ARHGEF11: variants seen among roughly 807,000 people sequenced by gnomAD.
ARHGEF11 encodes Rho guanine nucleotide exchange factor 11.
Under a neutral mutation model 193.7 loss-of-function variants are expected in ARHGEF11, and 55 were observed. The ratio of observed to expected loss-of-function variants is 0.28; its 90% CI spans 0.23 to 0.36. The LOEUF (loss-of-function observed/expected upper bound fraction) is 0.36. Among genes scored for constraint, ARHGEF11 ranks in the 10% least tolerant of loss-of-function variants. The probability of loss-of-function intolerance (pLI) is 1.00; values close to 1 mark genes in which losing one functional copy is unlikely to be tolerated. For missense variants in ARHGEF11, 1,723 were observed against 2,005.6 expected (o/e 0.86, Z 2.69); for synonymous variants, 693 against 768.0 (o/e 0.90, Z 1.62).
At chr1:157,041,683 CATTT>C (rs1217932834) in intron 1 of ARHGEF11, among the ~76,000 whole-genome samples, 4 of 152,214 alleles carry the variant, frequency 2.6e-5, no homozygotes, top group Non-Finnish European at 5.9e-5. Context: ...CTCTAACATT[CATTT>C]GTCAAACATT....
chr1:157,021,516 G>A (rs1048546354), intron 1 of ARHGEF11, among the ~76,000 whole-genome samples: 29 of 152,146 alleles, frequency 1.9e-4, no homozygotes, highest in Non-Finnish European at 3.2e-4. Context: ...GCATTAACAA[G>A]ACCACCCTCT....
chr1:157,040,579 T>C (rs2103094401), intron 1 of ARHGEF11, among the ~76,000 whole-genome samples: 1 of 152,340 alleles, frequency 6.6e-6, no homozygotes, highest in Non-Finnish European at 1.5e-5. Context: ...ACCCTTCTCT[T>C]CTCACATTCT....
At chr1:156,993,125 A>T (rs955741832) in intron 1 of ARHGEF11, among the ~76,000 whole-genome samples, 3 of 152,262 alleles carry the variant, frequency 2.0e-5, no homozygotes, top group African/African-American at 7.2e-5. Context: ...AGTCTGGTGA[A>T]ACAGGTAGTA....
chr1:156,979,310 G>C, intron 4 of ARHGEF11, 24 bp from the exon 5 acceptor site: 1 of 1,593,126 alleles, frequency 6.3e-7, no homozygotes, highest in Admixed American at 1.7e-5. Flanking sequence ...AAACAGTATT[G>C]AGTAATGGTA....
intron 1 of ARHGEF11, among the ~76,000 whole-genome samples, chr1:157,034,485 ACCAAAGACCTAGCAC>A (rs1479209256): frequency 2.6e-5 from 4 of 152,256 alleles, no homozygotes; most frequent in Non-Finnish European, 4.4e-5. Flanking sequence ...AATACCAAGT[ACCAAAGACCTAGCAC>A]CCAATGAGAA....
rs1375376814 is a variant in ARHGEF11 at position 156,957,696 on chromosome 1, G to A, written c.1526+96C>T. 8 of 1,328,160 alleles carry A rather than the reference G, an allele frequency of 6.0e-6. No homozygotes were observed. The Admixed American group carries it at 1.0e-4, about 17-fold the overall frequency. 82.3% of individuals were successfully genotyped at this position (1,328,160 alleles called of 1,614,324 possible). A position where few individuals can be genotyped will look rare whatever the true frequency, so the allele number is the denominator to read the frequency against. On this transcript the variant is annotated intron_variant, in intron 18 of 40. Coordinates refer to ENST00000368194, the MANE Select transcript of ARHGEF11 (RefSeq NM_198236.3). The stretch of plus-strand genomic sequence containing the variant: ...GTCCTTCATGGTTGTACAACATGAG[G>A]GACTCCCCTGTGATTGTCAGAAATG...
rs912486792 is a variant in ARHGEF11, at chr1:156,948,895, T to C, written c.1926-397A>G. 2 of 985,436 alleles carry C rather than the reference T, an allele frequency of 2.0e-6. No homozygotes were observed. Among genetic ancestry groups the C allele is most frequent in the East Asian group, 1.1e-4 (1 of 8,812 alleles). The allele number at this position is 985,436 out of a possible 1,614,324, so 61.0% of individuals were successfully genotyped here. A position where few individuals can be genotyped will look rare whatever the true frequency, so the allele number is the denominator to read the frequency against. ...CAGGGAACACAAGGTCCCAGCTCCC[T>C]GCCCCTAGTGGCCAGTTCACGTTGC... On this transcript the variant is annotated intron_variant, in intron 22 of 40. Transcript: ENST00000368194. The surrounding 1 kb of genome is among the most constrained non-coding windows in gnomAD (Gnocchi z 4.2).
Position 157,044,339 on chromosome 1 carries a change from G to C in ARHGEF11, c.-9C>G. ...GGTAACCTTACACTCATGGTTTCTCGGTGTCTCCACGGTTCCAGAATCCTG... is the reference window on the plus strand; with the variant it reads ...GGTAACCTTACACTCATGGTTTCTCCGTGTCTCCACGGTTCCAGAATCCTG... On this transcript the variant is annotated 5_prime_UTR_variant, in exon 1 of 41. Transcript: ENST00000368194. 1 of 1,613,286 alleles carries C rather than the reference G, an allele frequency of 6.2e-7. No individual in the cohort carries two copies. The highest frequency in any genetic ancestry group is 8.5e-7 in the Non-Finnish European group (1 of 1,179,734).
chr1:156,942,435 G>C (rs964100349), intron 33 of ARHGEF11, among the ~76,000 whole-genome samples: 1 of 152,214 alleles, frequency 6.6e-6, no homozygotes, highest in Non-Finnish European at 1.5e-5. Context: ...AGTAGGGCAG[G>C]AAGGAAAGAA....
intron 3 of ARHGEF11, among the ~76,000 whole-genome samples, chr1:156,981,038 C>CT (rs1005322824): frequency 9.3e-5 from 14 of 150,424 alleles, no homozygotes; most frequent in Admixed American, 2.0e-4. Flanking sequence ...TTCTCCCCTC[C>CT]TTTTTTTTTA....
chr1:157,035,925 ATATATATATGAAT>A lies in ARHGEF11; in HGVS notation c.32+8361_32+8373del, dbSNP rs1167746234. 4.9e-3 allele frequency among the ~76,000 whole-genome samples: 439 copies of A among 89,900 alleles called. 52 individuals carry two copies. The highest frequency in any genetic ancestry group is 0.019 in the Middle Eastern group (2 of 104). 59.0% of individuals were successfully genotyped at this position (89,900 alleles called of 152,430 possible). The stretch of plus-strand genomic sequence containing the variant: ...TATATATGAATCTATATATAGGAAT[ATATATATATGAAT>A]CTATATATAGGAATATATATATATG... On this transcript the variant is annotated intron_variant, in intron 1 of 40. Transcript: ENST00000368194.
intron 11 of ARHGEF11, among the ~76,000 whole-genome samples, chr1:156,967,690 T>C (rs1451978764): frequency 6.6e-6 from 1 of 152,192 alleles, no homozygotes; most frequent in African/African-American, 2.4e-5. Context: ...TGCCTAAACC[T>C]ATTTCCTATT....
chr1:157,003,077 T>C (rs1160677230), intron 1 of ARHGEF11, among the ~76,000 whole-genome samples: 1 of 152,258 alleles, frequency 6.6e-6, no homozygotes, highest in Non-Finnish European at 1.5e-5. Flanking sequence ...TTGTTGATTA[T>C]TCATATTAGC....
At chr1:156,978,416 G>T in intron 5 of ARHGEF11, 34 bp from the exon 6 acceptor site, 1 of 1,556,544 alleles carries the variant, frequency 6.4e-7, no homozygotes, top group Admixed American at 1.9e-5. Flanking sequence ...TGTTCCAGGA[G>T]TGCTGTTCTG....
At chr1:156,945,401 C>T (rs1571178607) in intron 29 of ARHGEF11, 1 of 580,878 alleles carries the variant, frequency 1.7e-6, no homozygotes, top group East Asian at 2.9e-5. Context: ...TCAGACAGAT[C>T]ACTGCTTTGA....
intron 1 of ARHGEF11, among the ~76,000 whole-genome samples, chr1:157,008,989 A>T (rs888576313): frequency 6.6e-6 from 1 of 152,212 alleles, no homozygotes; most frequent in Non-Finnish European, 1.5e-5. Flanking sequence ...TTGTTGAACT[A>T]CAAGATTGCA....
At chr1:157,036,269 A>G (rs1002445258) in intron 1 of ARHGEF11, among the ~76,000 whole-genome samples, 1 of 149,944 alleles carries the variant, frequency 6.7e-6, no homozygotes, top group Non-Finnish European at 1.5e-5. Flanking sequence ...TCAAACCATG[A>G]CCCAACTTCC....
chr1:157,009,071 C>CTACAGTATAT (rs1557946111), intron 1 of ARHGEF11, among the ~76,000 whole-genome samples: 2 of 152,188 alleles, frequency 1.3e-5, no homozygotes, highest in Non-Finnish European at 2.9e-5. Context: ...CCCAGTATAT[C>CTACAGTATAT]ACCTGTAGAT....
At chr1:156,991,074 C>G (rs187371855) in intron 1 of ARHGEF11, among the ~76,000 whole-genome samples, 50 of 152,324 alleles carry the variant, frequency 3.3e-4, no homozygotes, top group African/African-American at 1.2e-3. Context: ...CTTCCCCATT[C>G]CACATTTTGT....
Sources: gnomAD v4.1 joint callset for allele counts (sites outside exome capture counted in the v4.1 genomes callset) on GRCh38, gnomAD v4.1.1 for gene constraint, Gnocchi (gnomAD v3.1) non-coding constraint, MANE v1.5 for transcripts, NCBI Gene and HGNC (gene_info 2026-07-23, HGNC 2026-07-21) for gene names.